The following ZFAT variants were observed in gnomAD, a reference collection of about 807,000 sequenced individuals.
ZFAT encodes zinc finger protein ZFAT.
ZFAT carries 64 observed loss-of-function variants against 117.7 expected under a neutral mutation model. That is an observed-to-expected ratio of 0.54 (90% CI 0.44 to 0.67). The LOEUF is 0.67. ZFAT is among the 30% of genes least tolerant of loss of function. The probability of loss-of-function intolerance (pLI) is 0.00; values close to 1 mark genes in which losing one functional copy is unlikely to be tolerated. For missense variants in ZFAT, 1,433 were observed against 1,584.5 expected (o/e 0.90, Z 1.62); for synonymous variants, 679 against 615.0 (o/e 1.10, Z -1.54).
At chr8:134,652,937 C>A (rs1831332998) in intron 2 of ZFAT, among the ~76,000 whole-genome samples, 1 of 151,988 alleles carries the variant, frequency 6.6e-6, no homozygotes, top group African/African-American at 2.4e-5. Context: ...CGTGAATGCA[C>A]AATGTACAAT....
chr8:134,810,048 A>G, the ZFAT span, among the ~76,000 whole-genome samples: 1 of 152,156 alleles, frequency 6.6e-6, no homozygotes, highest in Non-Finnish European at 1.5e-5. Context: ...GAGATCCTAA[A>G]CTCTGCTTTA....
intron 15 of ZFAT, among the ~76,000 whole-genome samples, chr8:134,485,364 T>C (rs1817591198): frequency 6.6e-6 from 1 of 152,204 alleles, no homozygotes; most frequent in Non-Finnish European, 1.5e-5. Context: ...GCCTCCTGCA[T>C]TTGACCCCAG....
At chr8:134,773,790 G>C in the ZFAT span, among the ~76,000 whole-genome samples, 5 of 152,164 alleles carry the variant, frequency 3.3e-5, no homozygotes, top group Admixed American at 2.0e-4. Flanking sequence ...CTGAAGATGT[G>C]ACTGAATTGC....
At chr8:134,753,899 G>A in the ZFAT span, among the ~76,000 whole-genome samples, 2 of 152,206 alleles carry the variant, frequency 1.3e-5, no homozygotes, top group Admixed American at 1.3e-4. Context: ...CTGCCTTTTT[G>A]AAAATGAAAA....
intron 3 of ZFAT, among the ~76,000 whole-genome samples, chr8:134,630,004 G>A (rs1829777137): frequency 6.6e-6 from 1 of 152,176 alleles, no homozygotes; most frequent in Non-Finnish European, 1.5e-5. Context: ...AGTCCCTGAG[G>A]ACCTGCAACA....
the ZFAT span, among the ~76,000 whole-genome samples, chr8:134,737,311 AAAAT>A: frequency 7.3e-4 from 88 of 120,340 alleles, no homozygotes; most frequent in African/African-American, 2.7e-3. Context: ...TAAAAATAAA[AAAAT>A]AAAAATGTAG....
At chr8:134,610,388 G>A in intron 4 of ZFAT, 82 bp downstream of exon 4, 1 of 1,440,028 alleles carries the variant, frequency 6.9e-7, no homozygotes, top group East Asian at 2.3e-5. Context: ...TCTGTGTTCT[G>A]ACTCAGACTG....
intron 10 of ZFAT, among the ~76,000 whole-genome samples, chr8:134,581,483 G>GT (rs1264092346): frequency 6.6e-6 from 1 of 152,154 alleles, no homozygotes; most frequent in African/African-American, 2.4e-5. Context: ...ATTTTGCGAC[G>GT]TGACAAAACT....
chr8:134,712,820 C>A, intron 1 of ZFAT, 25 bp downstream of exon 1: 1 of 868,868 alleles, frequency 1.2e-6, no homozygotes, highest in South Asian at 1.5e-5. Flanking sequence ...CACCCCGTCT[C>A]ACCCCAACCC....
intron 15 of ZFAT, among the ~76,000 whole-genome samples, chr8:134,485,319 T>A (rs749715743): frequency 5.3e-5 from 8 of 152,140 alleles, no homozygotes; most frequent in Non-Finnish European, 1.2e-4. Context: ...GGCTGCAGTG[T>A]CAGGGTCCAC....
chr8:134,616,199 G>A (rs1260401162), intron 3 of ZFAT, among the ~76,000 whole-genome samples: 1 of 152,226 alleles, frequency 6.6e-6, no homozygotes, highest in Non-Finnish European at 1.5e-5. Flanking sequence ...ACAGCCACAT[G>A]ACTGTGTGTT....
intron 3 of ZFAT, 24 bp from the exon 4 acceptor site, chr8:134,610,679 A>C: frequency 6.2e-7 from 1 of 1,612,104 alleles, no homozygotes; most frequent in Non-Finnish European, 8.5e-7. Flanking sequence ...ACCAAGATGC[A>C]TAAGGTATCC....
At chr8:134,581,369 C>T (rs962979988) in intron 10 of ZFAT, among the ~76,000 whole-genome samples, 8 of 152,248 alleles carry the variant, frequency 5.3e-5, no homozygotes, top group East Asian at 1.9e-4. Context: ...GCTGTACCGG[C>T]CCCTCCTATT....
intron 15 of ZFAT, among the ~76,000 whole-genome samples, chr8:134,489,170 C>G (rs1817872956): frequency 6.6e-6 from 1 of 152,128 alleles, no homozygotes; most frequent in African/African-American, 2.4e-5. Flanking sequence ...AGCTCACTCC[C>G]CTGAGGTGTA....
intron 11 of ZFAT, among the ~76,000 whole-genome samples, chr8:134,549,452 A>G (rs954857572): frequency 6.6e-6 from 1 of 151,624 alleles, no homozygotes; most frequent in Admixed American, 6.6e-5. Flanking sequence ...GAAAAAAAAA[A>G]AAAAAAAAAG....
chr8:134,595,168 G>GCA (rs1201248365), intron 7 of ZFAT, among the ~76,000 whole-genome samples: 4 of 152,190 alleles, frequency 2.6e-5, no homozygotes, highest in Admixed American at 6.5e-5. Context: ...GCACATTCAT[G>GCA]CACACACACT....
At chr8:134,714,048 G>A (rs1469880442), upstream of ZFAT, among the ~76,000 whole-genome samples, 2 of 101,870 alleles carry the variant, frequency 2.0e-5, no homozygotes, top group Non-Finnish European at 4.2e-5. Context: ...TTTTTAAATT[G>A]TTCGTTTACA....
At chr8:134,709,274 G>C (rs561755480) in intron 1 of ZFAT, among the ~76,000 whole-genome samples, 12 of 152,350 alleles carry the variant, frequency 7.9e-5, no homozygotes, top group African/African-American at 2.9e-4. Flanking sequence ...GTACTGAGCT[G>C]TACACTGGGA....
chr8:134,666,569 C>T (rs1328676572), intron 1 of ZFAT, among the ~76,000 whole-genome samples: 1 of 152,016 alleles, frequency 6.6e-6, no homozygotes, highest in Non-Finnish European at 1.5e-5. Context: ...AGCCTGTCTA[C>T]AACAAGCGAA....
Sources: allele counts gnomAD v4.1 joint callset (sites outside exome capture counted in the v4.1 genomes callset), GRCh38; gene constraint gnomAD v4.1.1; transcripts MANE v1.5; gene names NCBI Gene and HGNC (gene_info 2026-07-23, HGNC 2026-07-21).